Variants in MYO3B observed in about 807,000 individuals in gnomAD.
The protein encoded by MYO3B is myosin IIIB, also known as myosin-IIIb.
A neutral mutation model predicts 174.6 loss-of-function variants in MYO3B; 156 were observed. The observed-to-expected ratio is 0.89, with a 90% confidence interval of 0.78 to 1.02. The LOEUF (loss-of-function observed/expected upper bound fraction) is 1.02. Ranked by LOEUF, MYO3B falls within the 50% of genes least tolerant of loss-of-function variation. The probability of loss-of-function intolerance (pLI) is 0.00; values close to 1 mark genes in which losing one functional copy is unlikely to be tolerated. For missense variants in MYO3B, 1,632 were observed against 1,639.4 expected, an observed-to-expected ratio of 1.00 and a Z score of 0.08; for synonymous variants, 563 against 569.1, an observed-to-expected ratio of 0.99 and a Z score of 0.15.
chr2:170,476,189 G>A (rs1314239168), intron 25 of MYO3B, among the ~76,000 whole-genome samples: 1 of 152,212 alleles, frequency 6.6e-6, no homozygotes, highest in African/African-American at 2.4e-5. Context: ...GCTGGGACAA[G>A]CGCTGTGGGT....
chr2:170,595,937 G>C (rs563814414), intron 32 of MYO3B, among the ~76,000 whole-genome samples: 2 of 152,136 alleles, frequency 1.3e-5, no homozygotes, highest in Non-Finnish European at 2.9e-5. Flanking sequence ...TTGCATCTTA[G>C]TGAGGACCTT....
intron 32 of MYO3B, among the ~76,000 whole-genome samples, chr2:170,550,527 T>G (rs577457959): frequency 9.8e-5 from 15 of 152,348 alleles, no homozygotes; most frequent in African/African-American, 3.6e-4. Context: ...TACCTATCTC[T>G]GTGACACAAC....
intron 7 of MYO3B, among the ~76,000 whole-genome samples, chr2:170,261,263 A>T (rs960876905): frequency 6.6e-6 from 1 of 152,094 alleles, no homozygotes; most frequent in Non-Finnish European, 1.5e-5. Context: ...GCCTCAAGGG[A>T]TCCCACCCGC....
Position 170,335,436 on chromosome 2 carries a change from C to A in MYO3B, c.801C>A (p.Asn267Lys). ...LHPEKWCEEF[N>K]HFISQCLIKD... The stretch of plus-strand genomic sequence containing the variant: ...CAGAAAAATGGTGTGAAGAATTCAA[C>A]CACTTTATTTCACAGTGAGTATTTC... Residue 267 changes from asparagine (N) to lysine (K), a missense_variant, in exon 8 of 35, where the codon AAC (asparagine) becomes AAA (lysine). Transcript: ENST00000408978. 1 of 1,611,980 alleles carries A rather than the reference C, an allele frequency of 6.2e-7. No individual in the cohort carries two copies. The highest frequency in any genetic ancestry group is 8.5e-7 in the Non-Finnish European group (1 of 1,178,880).
chr2:170,236,577 C>T (rs995329702), intron 7 of MYO3B, among the ~76,000 whole-genome samples: 11 of 152,176 alleles, frequency 7.2e-5, no homozygotes, highest in Non-Finnish European at 1.5e-4. Flanking sequence ...TACATCAGCG[C>T]TATATCTTAC....
intron 28 of MYO3B, among the ~76,000 whole-genome samples, chr2:170,504,598 C>T (rs898791008): frequency 3.9e-5 from 6 of 152,278 alleles, no homozygotes; most frequent in African/African-American, 1.4e-4. Context: ...GCTGGTATGC[C>T]TTGACAGAGA....
intron 25 of MYO3B, among the ~76,000 whole-genome samples, chr2:170,495,359 C>T (rs915042809): frequency 3.9e-5 from 6 of 152,086 alleles, no homozygotes; most frequent in African/African-American, 1.4e-4. Flanking sequence ...GCTTTTCTTA[C>T]TTGATTACTA....
intron 1 of MYO3B, among the ~76,000 whole-genome samples, chr2:170,180,723 A>G (rs1277016208): frequency 6.6e-6 from 1 of 152,146 alleles, no homozygotes; most frequent in Non-Finnish European, 1.5e-5. Flanking sequence ...CCTCTCCCTA[A>G]AGTTTAAGAG....
chr2:170,407,569 C>A, intron 21 of MYO3B, 146 bp from the exon 22 acceptor site: 1 of 133,872 alleles, frequency 7.5e-6, no homozygotes, highest in Non-Finnish European at 1.3e-5. Context: ...CATAATTATT[C>A]CCTTTATCTG....
intron 8 of MYO3B, chr2:170,346,415 A>T (rs2094016358): frequency 6.6e-6 from 1 of 152,198 alleles, no homozygotes. Context: ...CCTATTGTAA[A>T]GCATCACTAC....
At chr2:170,643,327 G>C (rs1257812687) in intron 32 of MYO3B, among the ~76,000 whole-genome samples, 1 of 152,172 alleles carries the variant, frequency 6.6e-6, no homozygotes, top group Non-Finnish European at 1.5e-5. Context: ...AGAAAAGACA[G>C]GTCATGTCTT....
intron 25 of MYO3B, among the ~76,000 whole-genome samples, chr2:170,474,550 A>G (rs902402193): frequency 2.0e-5 from 3 of 151,830 alleles, no homozygotes; most frequent in Admixed American, 1.3e-4. Context: ...CAGCCTGACC[A>G]ACATGGAGAA....
At chr2:170,249,039 A>G (rs1201698550) in intron 7 of MYO3B, among the ~76,000 whole-genome samples, 1 of 152,144 alleles carries the variant, frequency 6.6e-6, no homozygotes, top group Admixed American at 6.5e-5. Context: ...GGCCACGTTT[A>G]CTGCCTGCTT....
At chr2:170,304,574 C>G (rs1289874756) in intron 7 of MYO3B, among the ~76,000 whole-genome samples, 1 of 151,004 alleles carries the variant, frequency 6.6e-6, no homozygotes, top group Non-Finnish European at 1.5e-5. Flanking sequence ...AAGTGATTCT[C>G]CTGCCTCAGC....
At chr2:170,616,653 G>T (rs1695483839) in intron 32 of MYO3B, among the ~76,000 whole-genome samples, 1 of 152,106 alleles carries the variant, frequency 6.6e-6, no homozygotes, top group South Asian at 2.1e-4. Flanking sequence ...TTTTACACAT[G>T]AACAATAAAC....
Position 170,386,192 on chromosome 2 carries a change from A to G in MYO3B, c.1294A>G (p.Ile432Val). ...CMVTLSKDQC[I>V]VISGESGSGK... ...GACGCTCCATTTTCTGTGCCAGTGCATTGTCATCAGCGGAGAGAGTGGCTC... is the reference window on the plus strand; with the variant it reads ...GACGCTCCATTTTCTGTGCCAGTGCGTTGTCATCAGCGGAGAGAGTGGCTC... Residue 432 changes from isoleucine to valine, a missense_variant, in exon 13 of 35, where the codon ATT becomes GTT. Transcript: ENST00000408978. 1 of 1,613,280 alleles carries G rather than the reference A, an allele frequency of 6.2e-7. No individual in the cohort carries two copies. The highest frequency in any genetic ancestry group is 8.5e-7 in the Non-Finnish European group (1 of 1,179,448).
chr2:170,228,677 G>A (rs1574617993), intron 6 of MYO3B, among the ~76,000 whole-genome samples: 1 of 152,186 alleles, frequency 6.6e-6, no homozygotes, highest in Non-Finnish European at 1.5e-5. Context: ...GGAAGCTGGT[G>A]TAGTGTAAGC....
At chr2:170,405,060 A>G (rs2094501849) in intron 20 of MYO3B, among the ~76,000 whole-genome samples, 1 of 152,208 alleles carries the variant, frequency 6.6e-6, no homozygotes, top group Admixed American at 6.5e-5. Flanking sequence ...TCTCATACTT[A>G]GTAAGCTTTC....
intron 32 of MYO3B, among the ~76,000 whole-genome samples, chr2:170,552,638 C>A (rs1690996170): frequency 6.6e-6 from 1 of 152,132 alleles, no homozygotes; most frequent in Non-Finnish European, 1.5e-5. Context: ...AAATTTGCAG[C>A]CCAATCATGT....
Sources: gnomAD v4.1 joint callset for allele counts (sites outside exome capture counted in the v4.1 genomes callset) on GRCh38, gnomAD v4.1.1 for gene constraint, MANE v1.5 for transcripts, NCBI Gene and HGNC (gene_info 2026-07-23, HGNC 2026-07-21) for gene names.